The following MCTP1 variants were observed in gnomAD, a reference collection of about 807,000 sequenced individuals.
MCTP1 encodes multiple C2 and transmembrane domain containing 1.
MCTP1 carries 69 observed loss-of-function variants against 120.6 expected under a neutral mutation model. The ratio of observed to expected loss-of-function variants is 0.57; its 90% CI spans 0.47 to 0.70. MCTP1 has a LOEUF of 0.70. MCTP1 is among the 30% of genes least tolerant of loss of function. MCTP1 has a pLI of 0.00. For synonymous variants in MCTP1, 529 were observed against 493.1 expected, an observed-to-expected ratio of 1.07 and a Z score of -0.96; for missense variants, 1,203 against 1,248.8, an observed-to-expected ratio of 0.96 and a Z score of 0.55.
intron 1 of MCTP1, among the ~76,000 whole-genome samples, chr5:95,058,505 T>C (rs773565141): frequency 5.3e-5 from 8 of 152,232 alleles, no homozygotes; most frequent in Non-Finnish European, 8.8e-5. Flanking sequence ...CTTTCTTCAA[T>C]GAAACAATGC....
At chr5:95,062,827 G>GT (rs1264425525) in intron 1 of MCTP1, among the ~76,000 whole-genome samples, 16 of 151,474 alleles carry the variant, frequency 1.1e-4, no homozygotes, top group South Asian at 4.2e-4. Flanking sequence ...TTGTTGTTTT[G>GT]TTTTTTTTGA....
intron 18 of MCTP1, among the ~76,000 whole-genome samples, chr5:94,790,591 G>A (rs890713840): frequency 8.5e-5 from 13 of 152,152 alleles, no homozygotes; most frequent in African/African-American, 2.9e-4. Context: ...GACGGGTACT[G>A]CTAGGTTTCA....
chr5:94,969,234 A>G (rs1400828054), intron 2 of MCTP1, among the ~76,000 whole-genome samples: 2 of 152,138 alleles, frequency 1.3e-5, no homozygotes, highest in Non-Finnish European at 2.9e-5. Flanking sequence ...GCACTTCAAC[A>G]TTCTGTGTAA....
At chr5:94,998,887 A>C (rs1205639826) in intron 2 of MCTP1, among the ~76,000 whole-genome samples, 1 of 152,186 alleles carries the variant, frequency 6.6e-6, no homozygotes, top group Non-Finnish European at 1.5e-5. Flanking sequence ...GAATACGCAC[A>C]TAAGATGGGA....
chr5:94,837,409 CAG>C (rs1183471578), intron 17 of MCTP1, among the ~76,000 whole-genome samples: 1 of 152,010 alleles, frequency 6.6e-6, no homozygotes, highest in Non-Finnish European at 1.5e-5. Flanking sequence ...AAAAATGACA[CAG>C]GGAACTAGCA....
rs1251648368 is a variant in MCTP1 at position 94,873,170 on chromosome 5, G to T, written c.2005C>A (p.Leu669Ile). 41 of 1,609,360 alleles carry T rather than the reference G, an allele frequency of 2.5e-5. No homozygotes were observed. Among genetic ancestry groups the T allele is most frequent in the Non-Finnish European group, 3.5e-5 (41 of 1,176,418 alleles). ...AAGACTTTATTCCACTCAGGATTGA[G>T]ATTTTTGTAGACAGTATGTGTTAGC... is the stretch of plus-strand genomic sequence containing the variant. ...RLLTHTVYKNLNPEWNKVFTF... is the reference protein window; with the variant it reads ...RLLTHTVYKNINPEWNKVFTF... Residue 669 changes from leucine to isoleucine, a missense_variant, in exon 13 of 23, where the codon CTC (leucine) becomes ATC (isoleucine). Coordinates refer to ENST00000515393, the MANE Select transcript of MCTP1 (RefSeq NM_024717.7).
At chr5:94,986,806 G>A (rs751018848) in intron 2 of MCTP1, among the ~76,000 whole-genome samples, 11 of 151,888 alleles carry the variant, frequency 7.2e-5, no homozygotes, top group Admixed American at 2.6e-4. Flanking sequence ...CCACCGCGTC[G>A]GGCCTAGGTC....
rs750803988 is a variant in MCTP1, at chr5:94,799,005, A to G, written c.2556+8T>C. The G allele has an allele frequency of 6.2e-7, 1 of 1,608,490 alleles. No individual in the cohort carries two copies. The highest frequency in any genetic ancestry group is 8.5e-7 in the Non-Finnish European group (1 of 1,177,418). Reference sequence around the variant, plus strand: ...AAAACACATACAAGTAAGAGAGTAGAGACTTACTGTATCACGTTGCCTGTT... The same window carrying G: ...AAAACACATACAAGTAAGAGAGTAGGGACTTACTGTATCACGTTGCCTGTT... On this transcript the variant is annotated splice_region_variant and intron_variant, in intron 18 of 22. Coordinates refer to ENST00000515393, the MANE Select transcript of MCTP1 (RefSeq NM_024717.7).
intron 1 of MCTP1, among the ~76,000 whole-genome samples, chr5:95,162,668 T>C (rs1328204654): frequency 6.6e-6 from 1 of 152,178 alleles, no homozygotes; most frequent in African/African-American, 2.4e-5. Context: ...GCTACACACA[T>C]ATCATTTTGG....
chr5:94,941,479 A>G (rs1817703234), intron 4 of MCTP1, among the ~76,000 whole-genome samples: 1 of 152,042 alleles, frequency 6.6e-6, no homozygotes, highest in African/African-American at 2.4e-5. Flanking sequence ...TCTACACTTT[A>G]TATTTCTCTA....
At chr5:94,928,621 G>A (rs187265295) in intron 6 of MCTP1, among the ~76,000 whole-genome samples, 68 of 152,182 alleles carry the variant, frequency 4.5e-4, no homozygotes, top group African/African-American at 9.6e-5. Context: ...CAAAATGTGC[G>A]TAATAGAAAG....
At chr5:94,806,362 G>T (rs1271940229) in intron 17 of MCTP1, among the ~76,000 whole-genome samples, 1 of 152,236 alleles carries the variant, frequency 6.6e-6, no homozygotes, top group Middle Eastern at 3.4e-3. Flanking sequence ...GTGAAGGTGG[G>T]GCAAGGCTTT....
intron 1 of MCTP1, among the ~76,000 whole-genome samples, chr5:95,165,504 A>G (rs1746221838): frequency 6.6e-6 from 1 of 152,224 alleles, no homozygotes; most frequent in African/African-American, 2.4e-5. Context: ...ATGAGAATCA[A>G]CAAGTTAATA....
At chr5:95,280,248 G>A (rs1760205766) in intron 1 of MCTP1, among the ~76,000 whole-genome samples, 1 of 152,042 alleles carries the variant, frequency 6.6e-6, no homozygotes, top group Non-Finnish European at 1.5e-5. Context: ...CCAATGAATA[G>A]ATTCCTCTTG....
At chr5:94,708,701 C>G in intron 21 of MCTP1, 92 bp from the exon 22 acceptor site, 1 of 707,960 alleles carries the variant, frequency 1.4e-6, no homozygotes, top group East Asian at 2.7e-5. Flanking sequence ...ACTCAATGAA[C>G]CAATACACCC....
At chr5:94,758,543 C>T (rs907599788) in intron 19 of MCTP1, among the ~76,000 whole-genome samples, 4 of 152,062 alleles carry the variant, frequency 2.6e-5, no homozygotes, top group African/African-American at 9.7e-5. Flanking sequence ...CTGTAGGTAA[C>T]GAAGTCAGTC....
chr5:95,181,881 A>G (rs1213079956), intron 1 of MCTP1, among the ~76,000 whole-genome samples: 1 of 152,192 alleles, frequency 6.6e-6, no homozygotes, highest in Non-Finnish European at 1.5e-5. Flanking sequence ...TGTGTTTGTT[A>G]TTCAGTTCAT....
chr5:94,877,672 A>G (rs566416368), intron 12 of MCTP1: 13 of 152,252 alleles, frequency 8.5e-5, no homozygotes, highest in African/African-American at 2.9e-4. Context: ...CTTTGAGGTC[A>G]CGACACTGAC....
chr5:94,805,793 C>T (rs1001228691), intron 17 of MCTP1, among the ~76,000 whole-genome samples: 1 of 149,146 alleles, frequency 6.7e-6, no homozygotes, highest in African/African-American at 2.5e-5. Context: ...TGAGACTTGT[C>T]TGAAGCAAGT....
Sources: allele counts gnomAD v4.1 joint callset (sites outside exome capture counted in the v4.1 genomes callset), GRCh38; gene constraint gnomAD v4.1.1; transcripts MANE v1.5; gene names NCBI Gene and HGNC (gene_info 2026-07-23, HGNC 2026-07-21).